Variants in HTT observed in about 807,000 individuals in gnomAD.
HTT encodes huntington disease protein.
Under a neutral mutation model 362.3 loss-of-function variants are expected in HTT, and 104 were observed. The ratio of observed to expected loss-of-function variants is 0.29; its 90% CI spans 0.24 to 0.34. HTT has a LOEUF of 0.34. Among genes scored for constraint, HTT ranks in the 10% least tolerant of loss-of-function variants. The probability of loss-of-function intolerance (pLI) is 1.00; values close to 1 mark genes in which losing one functional copy is unlikely to be tolerated. For synonymous variants in HTT, 1,577 were observed against 1,548.7 expected, an observed-to-expected ratio of 1.02 and a Z score of -0.43; for missense variants, 3,301 against 3,928.6, an observed-to-expected ratio of 0.84 and a Z score of 4.27.
In HTT at chr4:3,215,228, A is replaced by G; in HGVS notation, c.7054+17A>G. Reference sequence around the variant, plus strand: ...ACACACAGAGTAAGTCTCAGGACCCATTTTTTTCTTACATGTTGTTCCTCC... The same window carrying G: ...ACACACAGAGTAAGTCTCAGGACCCGTTTTTTTCTTACATGTTGTTCCTCC... On this transcript the variant is annotated intron_variant, in intron 51 of 66. Coordinates refer to ENST00000355072, the MANE Select transcript of HTT (RefSeq NM_001388492.1). The G allele has an allele frequency of 6.3e-7, 1 of 1,587,656 alleles. No homozygotes were observed. Among genetic ancestry groups the G allele is most frequent in the Non-Finnish European group, 8.6e-7 (1 of 1,157,952 alleles).
At position 3,228,629 on chromosome 4, in the gene HTT, C is replaced by T. The variant is rs922172958; in HGVS notation, c.7863C>T (p.Ser2621=). The stretch of plus-strand genomic sequence containing the variant: ...TTCTGTGGCAGGTGTCCATACACTC[C>T]GTGTGGCTGGGGAACAGCATCACAC... The part of the protein sequence containing the change: ...SYKLGQVSIH[S]VWLGNSITPL... The change falls in exon 58 of 67, where the codon TCC becomes TCT. Residue 2621 remains serine (S), a synonymous_variant. Transcript: ENST00000355072. The surrounding 1 kb of genome is among the most constrained non-coding windows in gnomAD (Gnocchi z 4.3). The T allele has an allele frequency of 1.1e-5, 18 of 1,583,982 alleles. 1 individual carries two copies. The highest frequency in any genetic ancestry group is 8.1e-5 in the African/African-American group (6 of 73,782).
intron 63 of HTT, among the ~76,000 whole-genome samples, 167 bp from the exon 64 acceptor site, chr4:3,235,982 A>C (rs1471112830): frequency 2.0e-5 from 3 of 152,124 alleles, no homozygotes; most frequent in African/African-American, 7.2e-5. Flanking sequence ...CCCTGTGGTC[A>C]CTCATCCCAT....
chr4:3,163,887 ATT>A (rs140769204), intron 29 of HTT, among the ~76,000 whole-genome samples: 1 of 151,070 alleles, frequency 6.6e-6, no homozygotes, highest in Admixed American at 6.6e-5. Flanking sequence ...GGATTCATTG[ATT>A]TTTTTTGGAG....
At chr4:3,215,965 G>C (rs1325270969) in intron 51 of HTT, among the ~76,000 whole-genome samples, 1 of 152,216 alleles carries the variant, frequency 6.6e-6, no homozygotes, top group Non-Finnish European at 1.5e-5. Flanking sequence ...CTGTCCCACA[G>C]AGGTGGGGGT....
chr4:3,117,198 T>C (rs1329151077), intron 8 of HTT, among the ~76,000 whole-genome samples: 1 of 152,216 alleles, frequency 6.6e-6, no homozygotes, highest in Non-Finnish European at 1.5e-5. Flanking sequence ...TTTGGTTATT[T>C]TTCAGAATAA....
At position 3,237,737 on chromosome 4, in the gene HTT, G is replaced by T. The variant is rs1034905313; in HGVS notation, c.8892-710G>T. On this transcript the variant is annotated intron_variant, in intron 64 of 66. Coordinates refer to ENST00000355072, the MANE Select transcript of HTT (RefSeq NM_001388492.1). ...TGCCATTTTCGTAGCTGCTTCCCGT[G>T]TGTCTCAGTTACACACGGCTGGCAT... Among the ~76,000 whole-genome samples, 8 of 152,190 alleles carry T rather than the reference G, an allele frequency of 5.3e-5. 1 individual carries two copies. Among genetic ancestry groups the T allele is most frequent in the African/African-American group, 4.8e-5 (2 of 41,450 alleles).
In HTT at chr4:3,208,745, T is replaced by G. The variant is rs368282902; in HGVS notation, c.6153-28T>G. The G allele has an allele frequency of 6.4e-6, 10 of 1,553,594 alleles. No homozygotes were observed. The African/African-American group carries it at 1.3e-4, about 20-fold the overall frequency. On this transcript the variant is annotated intron_variant, in intron 45 of 66. Coordinates refer to ENST00000355072, the MANE Select transcript of HTT (RefSeq NM_001388492.1). Reference sequence around the variant, plus strand: ...AAAAAAAAAAAAAAACAAATTATACTGTAATTTCATTTTTATTTGTATTTT... The same window carrying G: ...AAAAAAAAAAAAAAACAAATTATACGGTAATTTCATTTTTATTTGTATTTT...
chr4:3,083,284 G>A (rs1713011872), intron 1 of HTT, among the ~76,000 whole-genome samples: 1 of 152,032 alleles, frequency 6.6e-6, no homozygotes, highest in Admixed American at 6.6e-5. Flanking sequence ...AGTTTGAGAC[G>A]GTGTGGTGGG....
intron 45 of HTT, 42 bp from the exon 46 acceptor site, chr4:3,208,731 A>C (rs776608120): frequency 6.5e-7 from 1 of 1,545,322 alleles, no homozygotes; most frequent in Non-Finnish European, 8.7e-7. Flanking sequence ...AAAAAAAAAA[A>C]AAACAAATTA....
chr4:3,188,776 A>C, intron 39 of HTT, 175 bp from the exon 40 acceptor site: 1 of 602,514 alleles, frequency 1.7e-6, no homozygotes, highest in Non-Finnish European at 2.9e-6. Context: ...GGTGATACAC[A>C]GAGAGACCAA....
chr4:3,122,348 C>T (rs1560557100), intron 9 of HTT, among the ~76,000 whole-genome samples: 1 of 152,248 alleles, frequency 6.6e-6, no homozygotes, highest in African/African-American at 2.4e-5. Context: ...GCCACTGCAA[C>T]GTGGTCGGTG....
intron 27 of HTT, 119 bp from the exon 28 acceptor site, chr4:3,156,953 A>G (rs1717178916): frequency 2.6e-6 from 2 of 774,464 alleles, no homozygotes; most frequent in South Asian, 4.0e-5. Context: ...GGTCAGAGGA[A>G]ATACTTGAAT....
intron 1 of HTT, among the ~76,000 whole-genome samples, chr4:3,076,946 G>A (rs959133944): frequency 6.2e-4 from 94 of 152,154 alleles, no homozygotes; most frequent in African/African-American, 2.2e-3. Flanking sequence ...GGGAGGCCTA[G>A]GTGGACGAAT....
chr4:3,229,168 A>G (rs952121587), intron 59 of HTT, among the ~76,000 whole-genome samples, 159 bp downstream of exon 59: 4 of 150,644 alleles, frequency 2.7e-5, no homozygotes, highest in African/African-American at 9.8e-5. Context: ...TAGACACCAC[A>G]CACACATGCC....
At position 3,238,991 on chromosome 4, in the gene HTT, G is replaced by C; in HGVS notation, c.9215+13G>C. 1 of 1,595,888 alleles carries C rather than the reference G, an allele frequency of 6.3e-7. No individual in the cohort carries two copies. The highest frequency in any genetic ancestry group is 8.5e-7 in the Non-Finnish European group (1 of 1,173,832). On this transcript the variant is annotated intron_variant, in intron 66 of 66. Coordinates refer to ENST00000355072, the MANE Select transcript of HTT (RefSeq NM_001388492.1). ...GGGTCGCGGCGATGTATCCTCTCTG[G>C]GTCCCTGGTGCTGGCCCCGTTTCCC...
chr4:3,116,051 C>T (rs373305165), intron 7 of HTT, 34 bp from the exon 8 acceptor site: 220 of 1,570,242 alleles, frequency 1.4e-4, no homozygotes, highest in Non-Finnish European at 2.8e-5. Context: ...AACAGTGAGT[C>T]AGATGTTAAG....
At chr4:3,169,003 ATTCTTTCTTTCT>A (rs113879546) in intron 29 of HTT, among the ~76,000 whole-genome samples, 27 of 143,526 alleles carry the variant, frequency 1.9e-4, no homozygotes, top group Admixed American at 1.6e-3. Context: ...ATTTTAGGCC[ATTCTTTCTTTCT>A]TTCTTTCTTT....
In HTT at chr4:3,140,011, A is replaced by G. The variant is rs530990713; in HGVS notation, c.2799-499A>G. On this transcript the variant is annotated intron_variant, in intron 21 of 66. Coordinates refer to ENST00000355072, the MANE Select transcript of HTT (RefSeq NM_001388492.1). The stretch of plus-strand genomic sequence containing the variant: ...GGGCTCACGCCTGTAATCCAGCACT[A>G]TGGGGGGCTGAGGTGGGTGGATCAC... 1.8e-4 allele frequency among the ~76,000 whole-genome samples: 28 copies of G among 152,232 alleles called. No homozygotes were observed. In the South Asian group the frequency reaches 4.4e-3, roughly 24 times the overall value.
intron 55 of HTT, 58 bp from the exon 56 acceptor site, chr4:3,223,934 T>C: frequency 6.3e-7 from 1 of 1,589,870 alleles, no homozygotes; most frequent in East Asian, 2.2e-5. Flanking sequence ...TCTGGTGTTT[T>C]TCACTTGTAA....
Sources: gnomAD v4.1 joint callset for allele counts (sites outside exome capture counted in the v4.1 genomes callset) on GRCh38, gnomAD v4.1.1 for gene constraint, Gnocchi (gnomAD v3.1) non-coding constraint, MANE v1.5 for transcripts, NCBI Gene and HGNC (gene_info 2026-07-23, HGNC 2026-07-21) for gene names.